Variants in PTPRS observed in about 807,000 individuals in gnomAD.
PTPRS encodes protein tyrosine phosphatase receptor type S.
PTPRS carries 63 observed loss-of-function variants against 215.3 expected under a neutral mutation model. That is an observed-to-expected ratio of 0.29 (90% CI 0.24 to 0.36). PTPRS has a LOEUF of 0.36. Ranked by LOEUF, PTPRS falls within the 10% of genes least tolerant of loss-of-function variation. The pLI, the probability that PTPRS is intolerant of heterozygous loss-of-function variation, is 1.00. For missense variants in PTPRS, 2,258 were observed against 2,825.8 expected (o/e 0.80, Z 4.56); for synonymous variants, 1,404 against 1,191.4 (o/e 1.18, Z -3.68).
intron 1 of PTPRS, among the ~76,000 whole-genome samples, chr19:5,326,857 A>T (rs2050182625): frequency 6.6e-6 from 1 of 152,062 alleles, no homozygotes; most frequent in South Asian, 2.1e-4. Flanking sequence ...AAAGGAAGGA[A>T]GGAAGGAAAG....
chr19:5,331,596 C>T (rs1325794308), intron 1 of PTPRS, among the ~76,000 whole-genome samples: 3 of 152,098 alleles, frequency 2.0e-5, no homozygotes, highest in South Asian at 4.2e-4. Context: ...TGTCCCCAGA[C>T]GTTGCCAAGT....
chr19:5,262,279 AAAG>A (rs1396186527), intron 6 of PTPRS, among the ~76,000 whole-genome samples: 2 of 152,324 alleles, frequency 1.3e-5, no homozygotes, highest in East Asian at 1.9e-4. Flanking sequence ...TCTCAAAAAA[AAAG>A]AAGTCTTTTC....
At position 5,215,395 on chromosome 19, in the gene PTPRS, C is replaced by T; in HGVS notation, c.4212G>A (p.Gln1404=). The change falls in exon 28 of 38, where the codon CAG becomes CAA. Residue 1404 remains glutamine, a synonymous_variant. Transcript: ENST00000262963. The part of the protein sequence containing the change: ...SQEYESIDPG[Q]QFTWEHSNLE... ...GGTTGGAATGTTCCCATGTGAACTG[C>T]TGTCCAGGGTCGATGGACTACAGAG... The T allele has an allele frequency of 6.2e-7, 1 of 1,613,804 alleles. No homozygotes were observed. Among genetic ancestry groups the T allele is most frequent in the Non-Finnish European group, 8.5e-7 (1 of 1,179,954 alleles).
At chr19:5,312,632 G>A (rs1396801730) in intron 1 of PTPRS, among the ~76,000 whole-genome samples, 1 of 152,176 alleles carries the variant, frequency 6.6e-6, no homozygotes, top group East Asian at 1.9e-4. Context: ...CTGCACTTCA[G>A]TCTGGGCGAC....
At chr19:5,310,149 G>A (rs952646804) in intron 1 of PTPRS, among the ~76,000 whole-genome samples, 5 of 152,000 alleles carry the variant, frequency 3.3e-5, no homozygotes, top group East Asian at 3.9e-4. Flanking sequence ...GCCTTTGCAC[G>A]GGCTGTGCCC....
At chr19:5,281,110 C>T (rs2146770093) in intron 2 of PTPRS, among the ~76,000 whole-genome samples, 1 of 151,886 alleles carries the variant, frequency 6.6e-6, no homozygotes, top group South Asian at 2.1e-4. Context: ...CTTATTTATC[C>T]CTCTGTTGCA....
chr19:5,215,073 G>C (rs992822831), intron 28 of PTPRS, among the ~76,000 whole-genome samples: 2 of 152,260 alleles, frequency 1.3e-5, no homozygotes, highest in African/African-American at 4.8e-5. Flanking sequence ...AAACTGCTCT[G>C]ATTGGTCACA....
At chr19:5,223,634 C>A (rs2042215975) in intron 17 of PTPRS, among the ~76,000 whole-genome samples, 1 of 146,970 alleles carries the variant, frequency 6.8e-6, no homozygotes, top group African/African-American at 2.6e-5. Flanking sequence ...CCCATCTCGG[C>A]TCACTACAAG....
In PTPRS at chr19:5,293,327, GC is replaced by G. The variant is rs2049001833; in HGVS notation, c.-94-7094del. The G allele has an allele frequency of 6.6e-6, 1 of 151,062 alleles. No homozygotes were observed. The highest frequency in any genetic ancestry group is 2.4e-5 in the African/African-American group (1 of 41,160). The allele number at this position is 151,062 out of a possible 1,614,324, so 9.4% of individuals were successfully genotyped here. ...GCTGTAGGGGGCGGGGTTGCAGTGG[GC>G]GGGGCTGCAGGGGACGGGCCCCGAG... is the stretch of plus-strand genomic sequence containing the variant. On this transcript the variant is annotated intron_variant, in intron 1 of 37. Transcript: ENST00000262963. The surrounding 1 kb of genome is among the most constrained non-coding windows in gnomAD (Gnocchi z 8.4).
chr19:5,208,034 A>G lies in PTPRS; in HGVS notation c.5666T>C (p.Val1889Ala), dbSNP rs2040525856. 6.2e-7 allele frequency: 1 copy of G among 1,613,420 alleles called. No individual in the cohort carries two copies. The highest frequency in any genetic ancestry group is 1.3e-5 in the African/African-American group (1 of 74,932). Residue 1889 changes from valine to alanine, a missense_variant, in exon 37 of 38, where the codon GTC (valine) becomes GCC (alanine). Physicochemically the swap from Val to Ala is moderately conservative, Grantham distance 64. This residue lies in a region of PTPRS where 89 missense variants were observed against 104.0 expected (regional missense o/e 0.86). Coordinates refer to ENST00000262963, the MANE Select transcript of PTPRS (RefSeq NM_002850.4). ...HCSAGVGRTG[V>A]FITLSIVLER... is the part of the protein sequence containing the mutation. ...CAGCACGATGCTAAGCGTGATGAAG[A>G]CGCCCGTCCTGCCCACGCCGGCACT...
At chr19:5,238,561 C>T (rs890850261) in intron 13 of PTPRS, among the ~76,000 whole-genome samples, 2 of 152,170 alleles carry the variant, frequency 1.3e-5, no homozygotes, top group Non-Finnish European at 2.9e-5. Context: ...ATGGGCACAA[C>T]GTGGCCCTTC....
intron 10 of PTPRS, among the ~76,000 whole-genome samples, 192 bp downstream of exon 10, chr19:5,245,584 C>T (rs201484500): frequency 6.6e-6 from 1 of 152,238 alleles, no homozygotes; most frequent in Admixed American, 6.5e-5. Flanking sequence ...TGAATCACTG[C>T]GCCCAGCCAG....
At position 5,293,090 on chromosome 19, in the gene PTPRS, G is replaced by A. The variant is rs1157572163; in HGVS notation, c.-94-6856C>T. The A allele has an allele frequency of 6.6e-6, 1 of 151,748 alleles. No individual in the cohort carries two copies. The highest frequency in any genetic ancestry group is 1.5e-5 in the Non-Finnish European group (1 of 67,832). 9.4% of individuals were successfully genotyped at this position (151,748 alleles called of 1,614,324 possible). A position where few individuals can be genotyped will look rare whatever the true frequency, so the allele number is the denominator to read the frequency against. On this transcript the variant is annotated intron_variant, in intron 1 of 37. Transcript: ENST00000262963. This position sits in a 1 kb window ranked among gnomAD's most constrained non-coding sequence, Gnocchi z 8.4. Reference sequence around the variant, plus strand: ...GAGGGGGCGCGACAAGAGAGACAAAGCCCGGGGCGGCCCGGGCCTCGGGGT... The same window carrying A: ...GAGGGGGCGCGACAAGAGAGACAAAACCCGGGGCGGCCCGGGCCTCGGGGT...
chr19:5,214,749 C>A lies in PTPRS; in HGVS notation c.4319-13G>T, dbSNP rs200840104. ...CTGCCCATGATGCCTGCAGCCAGGG[C>A]GAGAGGCCAGGGATCTGTGGGGGCT... On this transcript the variant is annotated splice_polypyrimidine_tract_variant and intron_variant, in intron 28 of 37. Transcript: ENST00000262963. 5.0e-6 allele frequency: 8 copies of A among 1,590,558 alleles called. No homozygotes were observed. The highest frequency in any genetic ancestry group is 3.4e-5 in the Admixed American group (2 of 59,390).
chr19:5,268,183 A>AAATC (rs1568524152), intron 4 of PTPRS, among the ~76,000 whole-genome samples: 1 of 134,768 alleles, frequency 7.4e-6, no homozygotes, highest in African/African-American at 2.6e-5. Flanking sequence ...ATAAATAAAT[A>AAATC]AATAAATTAA....
intron 9 of PTPRS, 100 bp from the exon 10 acceptor site, chr19:5,246,145 C>A (rs1334396691): frequency 2.5e-5 from 15 of 592,642 alleles, no homozygotes; most frequent in South Asian, 7.6e-5. Context: ...AAAAGAAAAG[C>A]AGGAAGGAAG....
At chr19:5,220,737 C>A (rs1437263201) in intron 20 of PTPRS, among the ~76,000 whole-genome samples, 3 of 152,172 alleles carry the variant, frequency 2.0e-5, no homozygotes, top group African/African-American at 7.2e-5. Flanking sequence ...AGAACCAAAT[C>A]CTTTCAGGGG....
chr19:5,212,420 T>C lies in PTPRS; in HGVS notation c.4686A>G (p.Glu1562=). Residue 1562 remains glutamate, a synonymous_variant, in exon 31 of 38, where the codon GAA becomes GAG. Coordinates refer to ENST00000262963, the MANE Select transcript of PTPRS (RefSeq NM_002850.4). Reference sequence around the variant, plus strand: ...GGAAAGCCAGGAAGGGCGTTGGGTATTCGGGCACGCCATGGTCCGGCCACG... The same window carrying C: ...GGAAAGCCAGGAAGGGCGTTGGGTACTCGGGCACGCCATGGTCCGGCCACG... ...FTAWPDHGVP[E]YPTPFLAFLR... The C allele has an allele frequency of 6.2e-7, 1 of 1,603,536 alleles. No homozygotes were observed.
intron 9 of PTPRS, among the ~76,000 whole-genome samples, chr19:5,250,518 G>C (rs890660653): frequency 2.0e-5 from 3 of 152,084 alleles, no homozygotes; most frequent in Non-Finnish European, 2.9e-5. Context: ...GAGGGTCCAG[G>C]CAGGTTATAA....
Sources: gnomAD v4.1 joint callset for allele counts (sites outside exome capture counted in the v4.1 genomes callset) on GRCh38, gnomAD v4.1.1 for gene constraint, gnomAD v4.1.1 regional missense constraint, Gnocchi (gnomAD v3.1) non-coding constraint, MANE v1.5 for transcripts, NCBI Gene and HGNC (gene_info 2026-07-23, HGNC 2026-07-21) for gene names.